Variants in FMN1 observed in about 807,000 individuals in gnomAD.
FMN1 encodes formin-1.
In FMN1, 110 loss-of-function variants were observed where a neutral mutation model predicts 132.4. The observed-to-expected ratio is 0.83, with a 90% CI of 0.71 to 0.97. FMN1 has a LOEUF of 0.97. Among genes scored for constraint, FMN1 ranks in the 50% least tolerant of loss-of-function variants. FMN1 has a pLI of 0.00. For missense variants in FMN1, 1,792 were observed against 1,705.3 expected, an observed-to-expected ratio of 1.05 and a Z score of -0.90; for synonymous variants, 722 against 651.7, an observed-to-expected ratio of 1.11 and a Z score of -1.64.
intron 9 of FMN1, among the ~76,000 whole-genome samples, chr15:32,934,279 A>AT (rs1392697593): frequency 6.6e-5 from 10 of 152,038 alleles, no homozygotes; most frequent in Non-Finnish European, 1.5e-4. Flanking sequence ...AACAAATTAT[A>AT]TTTTTTCTAT....
Position 33,149,184 on chromosome 15 carries a change from C to T in FMN1, c.1867+3864G>A, listed in dbSNP as rs535583024. Among the ~76,000 whole-genome samples, 8 of 152,234 alleles carry T rather than the reference C, an allele frequency of 5.3e-5. No homozygotes were observed. In the South Asian group the frequency reaches 1.0e-3, roughly 20 times the overall value. On this transcript the variant is annotated intron_variant, in intron 4 of 20. Transcript: ENST00000616417. Reference sequence around the variant, plus strand: ...ATTCCCCACCTCCACTGCCTTGACCCTCAATAAGGAATGTTAACAGCCTGG... The same window carrying T: ...ATTCCCCACCTCCACTGCCTTGACCTTCAATAAGGAATGTTAACAGCCTGG...
chr15:32,843,611 A>G (rs1596064764), intron 17 of FMN1, among the ~76,000 whole-genome samples: 1 of 152,336 alleles, frequency 6.6e-6, no homozygotes, highest in East Asian at 1.9e-4. Flanking sequence ...GAATTACTAT[A>G]TTACAATTAC....
At position 32,774,035 on chromosome 15, in the gene FMN1, TCTG is replaced by T; in HGVS notation, c.*272_*274del. On this transcript the variant is annotated 3_prime_UTR_variant, in exon 21 of 21. Transcript: ENST00000616417. ...ATTTTGGAAACATTTTGGTATTTCT[TCTG>T]CTCTTAGAGTGGACTTTGGGCTTCC... The T allele has an allele frequency of 2.2e-6, 1 of 451,630 alleles. No individual in the cohort carries two copies. Among genetic ancestry groups the T allele is most frequent in the South Asian group, 3.5e-5 (1 of 28,880 alleles). 28.0% of individuals were successfully genotyped at this position (451,630 alleles called of 1,614,324 possible). A position where few individuals can be genotyped will look rare whatever the true frequency, so the allele number is the denominator to read the frequency against.
chr15:32,975,250 T>G (rs1476207108), intron 7 of FMN1, among the ~76,000 whole-genome samples: 1 of 152,206 alleles, frequency 6.6e-6, no homozygotes, highest in Non-Finnish European at 1.5e-5. Context: ...CTGTTTATCT[T>G]CTTTGCAAAT....
intron 10 of FMN1, among the ~76,000 whole-genome samples, chr15:32,918,443 T>C (rs183000863): frequency 2.6e-5 from 4 of 152,346 alleles, no homozygotes; most frequent in Admixed American, 6.5e-5. Context: ...AGGAGCTGCC[T>C]GGGTGGTGGA....
intron 10 of FMN1, among the ~76,000 whole-genome samples, chr15:32,915,768 A>C (rs1384544009): frequency 6.6e-6 from 1 of 152,232 alleles, no homozygotes; most frequent in Admixed American, 6.5e-5. Context: ...TTGCTACTGC[A>C]ATATCAATCA....
At chr15:33,033,808 A>G (rs1274441273) in intron 6 of FMN1, among the ~76,000 whole-genome samples, 1 of 152,122 alleles carries the variant, frequency 6.6e-6, no homozygotes, top group Admixed American at 6.5e-5. Context: ...AGAAGATCAC[A>G]GTATTGTCCA....
At chr15:33,064,873 A>G in intron 6 of FMN1, 84 bp downstream of exon 6, 1 of 940,272 alleles carries the variant, frequency 1.1e-6, no homozygotes, top group Non-Finnish European at 1.6e-6. Context: ...TAAAACCCCA[A>G]ATTCTGAGAG....
intron 6 of FMN1, among the ~76,000 whole-genome samples, chr15:33,031,414 C>A (rs923870031): frequency 1.1e-4 from 16 of 152,272 alleles, no homozygotes; most frequent in Non-Finnish European, 1.8e-4. Flanking sequence ...CCAGTCCTCT[C>A]CAGAGGAGCT....
At chr15:32,806,138 T>C (rs1236178780) in intron 17 of FMN1, among the ~76,000 whole-genome samples, 2 of 152,232 alleles carry the variant, frequency 1.3e-5, no homozygotes, top group Middle Eastern at 3.2e-3. Context: ...TTATGTAACA[T>C]AAGCCTTCAG....
intron 18 of FMN1, among the ~76,000 whole-genome samples, chr15:32,803,013 C>T (rs894426759): frequency 3.9e-5 from 6 of 152,120 alleles, no homozygotes; most frequent in African/African-American, 1.4e-4. Context: ...GCATTTTAAT[C>T]TTATTGGTAA....
chr15:33,066,511 A>G lies in FMN1; in HGVS notation c.2044-1437T>C, dbSNP rs200868344. 239 of 1,526,256 alleles carry G rather than the reference A, an allele frequency of 1.6e-4. No homozygotes were observed. The African/African-American group carries it at 3.0e-3, about 19-fold the overall frequency. 94.5% of individuals were successfully genotyped at this position (1,526,256 alleles called of 1,614,324 possible). A position where few individuals can be genotyped will look rare whatever the true frequency, so the allele number is the denominator to read the frequency against. On this transcript the variant is annotated intron_variant, in intron 5 of 20. Transcript: ENST00000616417. ...AAATGCAAAACCCAATTCTACATAC[A>G]CTTTTGGAATCAGAGGGGCCATCCG...
chr15:32,767,731 G>A lies in FMN1; in HGVS notation c.*6579C>T, dbSNP rs2056094703. ...ATTACTTATGCCTTGGGAAATTACA[G>A]AATTGCACAATTATAAATTTAATAA... On this transcript the variant is annotated 3_prime_UTR_variant, in exon 21 of 21. Coordinates refer to ENST00000616417, the MANE Select transcript of FMN1 (RefSeq NM_001277313.2). 3 of 152,304 alleles carry A rather than the reference G, an allele frequency of 2.0e-5. No individual in the cohort carries two copies. Among genetic ancestry groups the A allele is most frequent in the Admixed American group, 1.3e-4 (2 of 15,296 alleles). 9.4% of individuals were successfully genotyped at this position (152,304 alleles called of 1,614,324 possible).
intron 20 of FMN1, among the ~76,000 whole-genome samples, chr15:32,775,868 T>A (rs2056400419): frequency 6.6e-6 from 1 of 152,156 alleles, no homozygotes; most frequent in South Asian, 2.1e-4. Flanking sequence ...AGTAAGTAGT[T>A]GTTGGACATC....
intron 2 of FMN1, among the ~76,000 whole-genome samples, chr15:33,193,406 C>G (rs1231849783): frequency 6.6e-6 from 1 of 152,102 alleles, no homozygotes; most frequent in Non-Finnish European, 1.5e-5. Flanking sequence ...AATTCTCTCT[C>G]CTAGGAATTT....
At chr15:32,806,845 A>G (rs921707911) in intron 17 of FMN1, among the ~76,000 whole-genome samples, 74 of 152,136 alleles carry the variant, frequency 4.9e-4, no homozygotes, top group African/African-American at 1.8e-3. Context: ...ATAAAAGACC[A>G]TCCCTTGCCA....
At chr15:33,139,895 C>G (rs1963935632) in intron 4 of FMN1, among the ~76,000 whole-genome samples, 1 of 152,032 alleles carries the variant, frequency 6.6e-6, no homozygotes, top group South Asian at 2.1e-4. Flanking sequence ...ATCATATACT[C>G]CTATGTGGAG....
chr15:33,113,847 G>C lies in FMN1; in HGVS notation c.1868-24873C>G, dbSNP rs147914631. 1.8e-3 allele frequency among the ~76,000 whole-genome samples: 275 copies of C among 152,284 alleles called. 1 individual carries two copies. The highest frequency in any genetic ancestry group is 6.4e-3 in the African/African-American group (265 of 41,568). ...AGGTACCAGCACACTTCAAAACAGA[G>C]CCTTCTTTAACAATGAAACCCTGAC... is the stretch of plus-strand genomic sequence containing the variant. On this transcript the variant is annotated intron_variant, in intron 4 of 20. Coordinates refer to ENST00000616417, the MANE Select transcript of FMN1 (RefSeq NM_001277313.2).
intron 17 of FMN1, among the ~76,000 whole-genome samples, chr15:32,819,228 A>G (rs1354895875): frequency 2.0e-5 from 3 of 151,820 alleles, no homozygotes; most frequent in African/African-American, 7.2e-5. Context: ...CTTCCCCCCA[A>G]CCAACAAGCT....
Sources: gnomAD v4.1 joint callset for allele counts (sites outside exome capture counted in the v4.1 genomes callset) on GRCh38, gnomAD v4.1.1 for gene constraint, MANE v1.5 for transcripts, NCBI Gene and HGNC (gene_info 2026-07-23, HGNC 2026-07-21) for gene names.